FANCI: variants seen among roughly 807,000 people sequenced by gnomAD.
FANCI encodes Fanconi anemia group I protein.
Under a neutral mutation model 176.1 loss-of-function variants are expected in FANCI, and 156 were observed. That is an observed-to-expected ratio of 0.89 (90% CI 0.78 to 1.01). The LOEUF is 1.01. Ranked by LOEUF, FANCI falls within the 50% of genes least tolerant of loss-of-function variation. FANCI has a pLI of 0.00. For missense variants in FANCI, 1,678 were observed against 1,534.1 expected (o/e 1.09, Z -1.57); for synonymous variants, 613 against 541.7 (o/e 1.13, Z -1.83).
At chr15:89,310,637 C>T (rs1401394881) in intron 34 of FANCI, among the ~76,000 whole-genome samples, 3 of 152,206 alleles carry the variant, frequency 2.0e-5, no homozygotes, top group Non-Finnish European at 2.9e-5. Context: ...GGGCAAGAGC[C>T]CATGCATGGT....
chr15:89,277,650 T>C (rs2053461150), intron 13 of FANCI, among the ~76,000 whole-genome samples: 1 of 151,984 alleles, frequency 6.6e-6, no homozygotes, highest in Non-Finnish European at 1.5e-5. Context: ...ACTTATTGGT[T>C]CATTGTTTCT....
At chr15:89,306,543 G>C (rs1374195180) in intron 32 of FANCI, among the ~76,000 whole-genome samples, 1 of 151,882 alleles carries the variant, frequency 6.6e-6, no homozygotes, top group East Asian at 1.9e-4. Flanking sequence ...AATACAAAAA[G>C]TAGCTGGGCG....
rs569328618 is a variant in FANCI at position 89,266,536 on chromosome 15, C to T, written c.756-1863C>T. On this transcript the variant is annotated intron_variant, in intron 9 of 37. Coordinates refer to ENST00000310775, the MANE Select transcript of FANCI (RefSeq NM_001113378.2). ...TAGAGACGGGCTTTCACCATATTGG[C>T]CAGGCTGGTCTCGAACTCCTGACCT... 9.9e-5 allele frequency among the ~76,000 whole-genome samples: 15 copies of T among 151,992 alleles called. No individual in the cohort carries two copies. In the South Asian group the frequency reaches 3.1e-3, roughly 32 times the overall value.
intron 11 of FANCI, 100 bp downstream of exon 11, chr15:89,273,569 A>G: frequency 1.3e-6 from 1 of 763,394 alleles, no homozygotes; most frequent in Non-Finnish European, 2.3e-6. Context: ...ATCCGTTCCT[A>G]AACAATTTTA....
chr15:89,251,934 C>G (rs182790804), intron 2 of FANCI, among the ~76,000 whole-genome samples: 1 of 152,250 alleles, frequency 6.6e-6, no homozygotes, highest in Non-Finnish European at 1.5e-5. Context: ...CCTACTGTCT[C>G]CATTACTATA....
At chr15:89,255,297 C>T (rs1281972915) in intron 2 of FANCI, among the ~76,000 whole-genome samples, 1 of 152,130 alleles carries the variant, frequency 6.6e-6, no homozygotes, top group Non-Finnish European at 1.5e-5. Flanking sequence ...TTTAGTGTAT[C>T]AAATCACTGA....
At chr15:89,263,234 G>A (rs2052790862) in intron 6 of FANCI, among the ~76,000 whole-genome samples, 185 bp from the exon 7 acceptor site, 1 of 152,006 alleles carries the variant, frequency 6.6e-6, no homozygotes, top group Admixed American at 6.6e-5. Context: ...TCAGAATTTT[G>A]ATTTTGCGAG....
At chr15:89,300,201 C>T in intron 25 of FANCI, 99 bp from the exon 26 acceptor site, 1 of 1,244,810 alleles carries the variant, frequency 8.0e-7, no homozygotes, top group South Asian at 1.3e-5. Context: ...TTAAGTCTGC[C>T]TTTAGACTTT....
rs2054706656 is a variant in FANCI at position 89,306,083 on chromosome 15, T to TA, written c.3427dup (p.Thr1143AsnfsTer77). 1 of 1,614,118 alleles carries TA rather than the reference T, an allele frequency of 6.2e-7. No homozygotes were observed. Among genetic ancestry groups the TA allele is most frequent in the African/African-American group, 1.3e-5 (1 of 74,934 alleles). The stretch of plus-strand genomic sequence containing the variant: ...TCATCATGCAACTGGGAACTCTGCT[T>TA]ACATTTTTCCACGAGCTGGTGCAGA... On this transcript the variant is annotated frameshift_variant, in exon 32 of 38. Coordinates refer to ENST00000310775, the MANE Select transcript of FANCI (RefSeq NM_001113378.2). LOFTEE classifies it high-confidence loss of function.
At chr15:89,295,743 C>CCTT (rs778881922) in intron 24 of FANCI, among the ~76,000 whole-genome samples, 5 of 127,466 alleles carry the variant, frequency 3.9e-5, no homozygotes, top group African/African-American at 1.4e-4. Flanking sequence ...CCCCCCCCAC[C>CCTT]TTTTTTTTTT....
chr15:89,292,781 G>C lies in FANCI; in HGVS notation c.2086G>C (p.Glu696Gln). 2 of 1,614,018 alleles carry C rather than the reference G, an allele frequency of 1.2e-6. No homozygotes were observed. The highest frequency in any genetic ancestry group is 1.3e-5 in the African/African-American group (1 of 75,030). ...GGGAGAGGAGGAAGAGGAGGAGGAAGAGGCATTCTACGAAGACCTAGATGA... is the reference window on the plus strand; with the variant it reads ...GGGAGAGGAGGAAGAGGAGGAGGAACAGGCATTCTACGAAGACCTAGATGA... ...QQGEEEEEEE[E>Q]AFYEDLDDIL... Residue 696 changes from glutamate (E) to glutamine (Q), a missense_variant, in exon 21 of 38, where the codon GAG becomes CAG. By Grantham distance (29) the Glu-to-Gln change is conservative (BLOSUM62 2). Transcript: ENST00000310775.
chr15:89,282,087 A>G (rs1422541528), intron 16 of FANCI: 5 of 460,810 alleles, frequency 1.1e-5, no homozygotes, highest in Non-Finnish European at 2.0e-5. Context: ...AGGCTTAGAG[A>G]AGATGAGTGA....
chr15:89,281,845 A>T lies in FANCI; in HGVS notation c.1583+10A>T. 6.2e-7 allele frequency: 1 copy of T among 1,612,390 alleles called. No individual in the cohort carries two copies. The highest frequency in any genetic ancestry group is 8.5e-7 in the Non-Finnish European group (1 of 1,178,716). ...AAGCTATGTTTGCCAAGTATGTAGCATCTTTTTCTATCATAGGAAGACGTT... is the reference window on the plus strand; with the variant it reads ...AAGCTATGTTTGCCAAGTATGTAGCTTCTTTTTCTATCATAGGAAGACGTT... On this transcript the variant is annotated intron_variant, in intron 16 of 37. Coordinates refer to ENST00000310775, the MANE Select transcript of FANCI (RefSeq NM_001113378.2).
intron 2 of FANCI, among the ~76,000 whole-genome samples, chr15:89,256,893 C>T (rs1406739022): frequency 6.6e-6 from 1 of 152,000 alleles, no homozygotes. Flanking sequence ...AGGAATCCTC[C>T]TTGATTTCTT....
rs2055291663 is a variant in FANCI at position 89,317,032 on chromosome 15, CT to C, written c.*576del. On this transcript the variant is annotated 3_prime_UTR_variant, in exon 38 of 38. Transcript: ENST00000310775. Reference sequence around the variant, plus strand: ...AGATATATTTTAAATAGAAAATAAGCTTTCTGATTTACTTGTTTGGTATTTA... The same window carrying C: ...AGATATATTTTAAATAGAAAATAAGCTTCTGATTTACTTGTTTGGTATTTA... The C allele has an allele frequency of 1.7e-6, 1 of 601,548 alleles. No individual in the cohort carries two copies. The highest frequency in any genetic ancestry group is 2.9e-6 in the Non-Finnish European group (1 of 340,924). 37.3% of individuals were successfully genotyped at this position (601,548 alleles called of 1,614,324 possible).
At chr15:89,270,632 C>T (rs2053165264) in intron 10 of FANCI, among the ~76,000 whole-genome samples, 1 of 151,996 alleles carries the variant, frequency 6.6e-6, no homozygotes, top group Non-Finnish European at 1.5e-5. Context: ...TAAAAAGAGC[C>T]TCTCCTTTCC....
intron 24 of FANCI, among the ~76,000 whole-genome samples, chr15:89,297,627 G>A (rs865901466): frequency 2.0e-5 from 3 of 152,056 alleles, no homozygotes; most frequent in Non-Finnish European, 2.9e-5. Flanking sequence ...CAGGTGTGGC[G>A]GCAATTGCAG....
chr15:89,301,124 A>G (rs1277111379), intron 26 of FANCI, among the ~76,000 whole-genome samples: 3 of 152,248 alleles, frequency 2.0e-5, no homozygotes, highest in Non-Finnish European at 4.4e-5. Context: ...TTTCAGGAGC[A>G]TTCTCAGAGA....
In FANCI at chr15:89,281,303, A is replaced by G. The variant is rs760846523; in HGVS notation, c.1512+3A>G. ...AAAGGCTGCTTAAGGCAGTGCAGGT[A>G]AGTCTTCAGATTCCCAAGTAACTTG... On this transcript the variant is annotated splice_donor_region_variant and intron_variant, in intron 15 of 37. Coordinates refer to ENST00000310775, the MANE Select transcript of FANCI (RefSeq NM_001113378.2). 24 of 1,613,652 alleles carry G rather than the reference A, an allele frequency of 1.5e-5. No individual in the cohort carries two copies. The South Asian group carries it at 1.8e-4, about 12-fold the overall frequency.
Sources: gnomAD v4.1 joint callset for allele counts (sites outside exome capture counted in the v4.1 genomes callset) on GRCh38, gnomAD v4.1.1 for gene constraint, MANE v1.5 for transcripts, NCBI Gene and HGNC (gene_info 2026-07-23, HGNC 2026-07-21) for gene names.